WWOX: variants seen among roughly 807,000 people sequenced by gnomAD.
WWOX encodes WW domain containing oxidoreductase, also known as WW domain-containing oxidoreductase.
WWOX carries 69 observed loss-of-function variants against 46.2 expected under a neutral mutation model. That is an observed-to-expected ratio of 1.49 (90% CI 1.23 to 1.82). The LOEUF (loss-of-function observed/expected upper bound fraction) is 1.82. Ranked by LOEUF, WWOX falls within the 40% of genes most tolerant of loss-of-function variation. The probability of loss-of-function intolerance (pLI) is 0.00; values close to 1 mark genes in which losing one functional copy is unlikely to be tolerated. For synonymous variants in WWOX, 359 were observed against 202.6 expected (o/e 1.77, Z -6.56); for missense variants, 919 against 542.6 (o/e 1.69, Z -6.89).
At chr16:78,594,596 C>T (rs1244585380) in intron 8 of WWOX, among the ~76,000 whole-genome samples, 5 of 152,012 alleles carry the variant, frequency 3.3e-5, no homozygotes, top group Admixed American at 1.3e-4. Context: ...GGCATTTTCA[C>T]CTCCTTTCCT....
chr16:78,657,489 G>C (rs184578298), intron 8 of WWOX, among the ~76,000 whole-genome samples: 7 of 152,294 alleles, frequency 4.6e-5, no homozygotes, highest in East Asian at 1.9e-4. Flanking sequence ...GATGCATGCT[G>C]GGGTCAGTAA....
intron 8 of WWOX, among the ~76,000 whole-genome samples, chr16:78,905,431 A>T (rs1270687128): frequency 6.6e-6 from 1 of 152,168 alleles, no homozygotes; most frequent in Admixed American, 6.5e-5. Context: ...GCCAGGCTGG[A>T]GTGCAAGTGG....
chr16:78,410,741 G>C (rs538554975), intron 6 of WWOX, among the ~76,000 whole-genome samples: 2 of 151,044 alleles, frequency 1.3e-5, no homozygotes, highest in South Asian at 2.1e-4. Context: ...AGGAGGCGGA[G>C]GTTGTGGTCA....
chr16:78,347,061 G>T (rs1276615110), intron 5 of WWOX, among the ~76,000 whole-genome samples: 1 of 118,312 alleles, frequency 8.5e-6, no homozygotes, highest in South Asian at 2.6e-4. Context: ...GGGGGTTGGG[G>T]TAATAGGTTT....
chr16:78,461,555 G>A (rs1468435558), intron 8 of WWOX, among the ~76,000 whole-genome samples: 1 of 152,210 alleles, frequency 6.6e-6, no homozygotes, highest in East Asian at 1.9e-4. Flanking sequence ...CCCCATGTGT[G>A]TATGTCTAAC....
At chr16:78,210,567 C>T (rs1433282100) in intron 5 of WWOX, among the ~76,000 whole-genome samples, 2 of 152,104 alleles carry the variant, frequency 1.3e-5, no homozygotes, top group Non-Finnish European at 2.9e-5. Context: ...GGAACTAAAT[C>T]CTGCGTTTTC....
At chr16:79,001,222 G>A (rs1229421045) in intron 8 of WWOX, among the ~76,000 whole-genome samples, 1 of 152,148 alleles carries the variant, frequency 6.6e-6, no homozygotes, top group African/African-American at 2.4e-5. Flanking sequence ...ACGGAGGCCG[G>A]TTAGAGACAG....
intron 8 of WWOX, among the ~76,000 whole-genome samples, chr16:79,209,919 C>G (rs970219689): frequency 6.6e-5 from 10 of 152,160 alleles, no homozygotes; most frequent in African/African-American, 2.4e-4. Context: ...AGACTTGAGC[C>G]ACACAAATCA....
chr16:78,467,457 A>C (rs1228607307), intron 8 of WWOX, among the ~76,000 whole-genome samples: 2 of 152,228 alleles, frequency 1.3e-5, no homozygotes, highest in African/African-American at 4.8e-5. Context: ...TAAAGACTGT[A>C]GACTAAGGCA....
intron 8 of WWOX, among the ~76,000 whole-genome samples, chr16:78,648,342 A>G (rs2046891047): frequency 6.6e-6 from 1 of 152,192 alleles, no homozygotes; most frequent in African/African-American, 2.4e-5. Flanking sequence ...TCACTCCTTC[A>G]TCAGGAGCCA....
chr16:78,280,446 T>C (rs80215477), intron 5 of WWOX, among the ~76,000 whole-genome samples: 2,958 of 152,294 alleles, frequency 0.019, 51 homozygotes, highest in Middle Eastern at 0.078. Context: ...ACCTGTAGGA[T>C]ATGTATTAGG....
intron 8 of WWOX, among the ~76,000 whole-genome samples, chr16:79,047,668 C>G (rs936346899): frequency 7.2e-6 from 1 of 138,110 alleles, no homozygotes; most frequent in Non-Finnish European, 1.5e-5. Context: ...CTGAGACTGT[C>G]CTGATTTTTT....
chr16:79,199,216 C>G (rs1287785469), intron 8 of WWOX, among the ~76,000 whole-genome samples: 1 of 152,158 alleles, frequency 6.6e-6, no homozygotes, highest in Non-Finnish European at 1.5e-5. Context: ...GTGTGCGCCA[C>G]CACGCCTGGC....
rs573767434 is a variant in WWOX at position 79,175,453 on chromosome 16, T to A, written c.1057-36155T>A. Among the ~76,000 whole-genome samples the A allele has an allele frequency of 6.6e-5, 10 of 152,358 alleles. No individual in the cohort carries two copies. In the South Asian group the frequency reaches 1.7e-3, roughly 25 times the overall value. ...CACAAAGCTGTGGCTCTGGTCAGTC[T>A]GACTCTCTTTAGCAGGAATCACGTG... is the stretch of plus-strand genomic sequence containing the variant. On this transcript the variant is annotated intron_variant, in intron 8 of 8. Transcript: ENST00000566780.
intron 8 of WWOX, among the ~76,000 whole-genome samples, chr16:78,651,846 C>G (rs899122103): frequency 1.2e-4 from 18 of 152,244 alleles, no homozygotes; most frequent in African/African-American, 3.1e-4. Context: ...CTTATTCTTT[C>G]GGAGCCTTAG....
chr16:78,391,161 C>G (rs1413842301), intron 6 of WWOX, among the ~76,000 whole-genome samples: 1 of 151,768 alleles, frequency 6.6e-6, no homozygotes, highest in South Asian at 2.1e-4. Context: ...CAGCCTCTTC[C>G]TGGATCTCTT....
At chr16:79,132,599 C>G (rs982742503) in intron 8 of WWOX, among the ~76,000 whole-genome samples, 2 of 152,098 alleles carry the variant, frequency 1.3e-5, no homozygotes, top group African/African-American at 4.8e-5. Flanking sequence ...TTCTCTGTGT[C>G]TCTCTTTTTC....
intron 8 of WWOX, among the ~76,000 whole-genome samples, chr16:78,538,649 T>G (rs1238183023): frequency 1.3e-5 from 2 of 152,220 alleles, no homozygotes; most frequent in African/African-American, 4.8e-5. Flanking sequence ...TTTCCTATGT[T>G]TGACATCGAG....
chr16:79,000,100 A>G (rs775963566), intron 8 of WWOX, among the ~76,000 whole-genome samples: 1 of 152,266 alleles, frequency 6.6e-6, no homozygotes, highest in Non-Finnish European at 1.5e-5. Context: ...CATGTGTCTG[A>G]GCAGGCTTCC....
Sources: gnomAD v4.1 joint callset for allele counts (sites outside exome capture counted in the v4.1 genomes callset) on GRCh38, gnomAD v4.1.1 for gene constraint, MANE v1.5 for transcripts, NCBI Gene and HGNC (gene_info 2026-07-23, HGNC 2026-07-21) for gene names.